The following APCDD1 variants were observed in gnomAD, a reference collection of about 807,000 sequenced individuals.
APCDD1 encodes the protein APC down-regulated 1, also known as protein APCDD1.
Under a neutral mutation model 38.1 loss-of-function variants are expected in APCDD1, and 15 were observed. The observed-to-expected ratio is 0.39, with a 90% CI of 0.26 to 0.61. The LOEUF (loss-of-function observed/expected upper bound fraction) is 0.61. APCDD1 is among the 20% of genes least tolerant of loss of function. The pLI, the probability that APCDD1 is intolerant of heterozygous loss-of-function variation, is 0.49. For missense variants in APCDD1, 647 were observed against 696.2 expected (o/e 0.93, Z 0.79); for synonymous variants, 261 against 279.7 (o/e 0.93, Z 0.67).
In APCDD1 at chr18:10,468,500, A is replaced by T. The variant is rs763261435; in HGVS notation, c.90A>T (p.Pro30=). The change falls in exon 2 of 5, where the codon CCA becomes CCT. Residue 30 remains proline, a synonymous_variant. Transcript: ENST00000355285. ...GLGEGSALLH[P]DSRSHPRSLE... ...GAGAGGGTTCTGCCCTCCTTCATCC[A>T]GACAGCAGGTCTCATCCTAGGTCCT... 10 of 1,614,182 alleles carry T rather than the reference A, an allele frequency of 6.2e-6. No homozygotes were observed. The highest frequency in any genetic ancestry group is 8.5e-6 in the Non-Finnish European group (10 of 1,180,040).
chr18:10,458,259 C>T (rs12606657), intron 1 of APCDD1, among the ~76,000 whole-genome samples: 3 of 152,052 alleles, frequency 2.0e-5, no homozygotes, highest in South Asian at 2.1e-4. Flanking sequence ...TTGTAGAATT[C>T]GTTGACTTTT....
At chr18:10,481,400 C>T (rs1301866302) in intron 3 of APCDD1, among the ~76,000 whole-genome samples, 1 of 152,108 alleles carries the variant, frequency 6.6e-6, no homozygotes, top group Non-Finnish European at 1.5e-5. Flanking sequence ...ATCGATAAAA[C>T]TTGAGGAGCT....
At chr18:10,463,200 C>T (rs1387763162) in intron 1 of APCDD1, among the ~76,000 whole-genome samples, 1 of 152,074 alleles carries the variant, frequency 6.6e-6, no homozygotes, top group Non-Finnish European at 1.5e-5. Context: ...GTTCCATATT[C>T]AAGACAGAGA....
chr18:10,486,748 A>G (rs762283949), intron 4 of APCDD1, among the ~76,000 whole-genome samples: 2 of 152,116 alleles, frequency 1.3e-5, no homozygotes, highest in Non-Finnish European at 2.9e-5. Context: ...TGTCAGCCCT[A>G]TCATACCAAA....
At chr18:10,457,476 G>C in intron 1 of APCDD1, among the ~76,000 whole-genome samples, 1 of 152,180 alleles carries the variant, frequency 6.6e-6, no homozygotes, top group East Asian at 1.9e-4. Context: ...GGCAATTCTT[G>C]AAATCTTCTA....
At position 10,471,849 on chromosome 18, in the gene APCDD1, G is replaced by A. The variant is rs1271368556; in HGVS notation, c.562G>A (p.Asp188Asn). The A allele has an allele frequency of 6.2e-7, 1 of 1,614,204 alleles. No homozygotes were observed. Among genetic ancestry groups the A allele is most frequent in the South Asian group, 1.1e-5 (1 of 91,088 alleles). Residue 188 changes from aspartate (D) to asparagine (N), a missense_variant, in exon 3 of 5, where the codon GAC becomes AAC. By Grantham distance (23) the Asp-to-Asn change is conservative. Coordinates refer to ENST00000355285, the MANE Select transcript of APCDD1 (RefSeq NM_153000.5). The surrounding 1 kb of genome is among the most constrained non-coding windows in gnomAD (Gnocchi z 5.5). The part of the protein sequence containing the change: ...GGPWVQDVAY[D>N]LWREENGCEC... ...TCCCTGGGTGCAGGACGTGGCCTATGACCTCTGGCGAGAGGAGAACGGCTG... is the reference window on the plus strand; with the variant it reads ...TCCCTGGGTGCAGGACGTGGCCTATAACCTCTGGCGAGAGGAGAACGGCTG...
rs781460638 is a variant in APCDD1 at position 10,485,644 on chromosome 18, C to T, written c.957C>T (p.Asn319=). Residue 319 remains asparagine, a synonymous_variant, in exon 4 of 5, where the codon AAC becomes AAT. Transcript: ENST00000355285. The surrounding 1 kb of genome is among the most constrained non-coding windows in gnomAD (Gnocchi z 5.8). ...GCCACTTCATCTTCCATGACAACAA[C>T]AACACCTGGGAGGGCCACTACTACC... ...LTRHFIFHDN[N]NTWEGHYYHY... is the part of the protein sequence containing the mutation. 14 of 1,614,066 alleles carry T rather than the reference C, an allele frequency of 8.7e-6. No individual in the cohort carries two copies. In the Admixed American group the frequency reaches 2.3e-4, roughly 27 times the overall value.
intron 1 of APCDD1, among the ~76,000 whole-genome samples, chr18:10,462,340 C>A (rs967958609): frequency 3.3e-5 from 5 of 152,196 alleles, no homozygotes; most frequent in African/African-American, 1.2e-4. Context: ...ATATATTTTA[C>A]AAAAGTTCCT....
Position 10,467,542 on chromosome 18 carries a change from G to A in APCDD1, c.59-927G>A, listed in dbSNP as rs1247511760. 6.6e-6 allele frequency among the ~76,000 whole-genome samples: 1 copy of A among 152,160 alleles called. No homozygotes were observed. The highest frequency in any genetic ancestry group is 2.4e-5 in the African/African-American group (1 of 41,418). ...TTAATTGCTTTATTCTGAACATTAG[G>A]CTGGTGGTAGTTTTGCATGGGTAGA... On this transcript the variant is annotated intron_variant, in intron 1 of 4. Transcript: ENST00000355285. This position sits in a 1 kb window ranked among gnomAD's most constrained non-coding sequence, Gnocchi z 4.8.
chr18:10,457,623 T>C (rs2030416161), intron 1 of APCDD1, among the ~76,000 whole-genome samples: 1 of 152,218 alleles, frequency 6.6e-6, no homozygotes, highest in African/African-American at 2.4e-5. Flanking sequence ...TGATAAACTT[T>C]AATAAATTTA....
At chr18:10,455,097 C>G (rs1056102668) in intron 1 of APCDD1, 58 bp downstream of exon 1, 6 of 1,542,458 alleles carry the variant, frequency 3.9e-6, no homozygotes, top group Non-Finnish European at 5.2e-6. Context: ...CCGGGCGCCG[C>G]GGAGCCCGCG....
intron 1 of APCDD1, among the ~76,000 whole-genome samples, chr18:10,466,118 G>A (rs1333568168): frequency 6.6e-6 from 1 of 152,170 alleles, no homozygotes; most frequent in East Asian, 1.9e-4. Context: ...TGTAACTTTA[G>A]CTAAAATCTA....
chr18:10,472,169 C>A lies in APCDD1; in HGVS notation c.774+108C>A. 2 of 1,497,514 alleles carry A rather than the reference C, an allele frequency of 1.3e-6. No homozygotes were observed. The highest frequency in any genetic ancestry group is 2.3e-5 in the East Asian group (1 of 44,040). 92.8% of individuals were successfully genotyped at this position (1,497,514 alleles called of 1,614,324 possible). A position where few individuals can be genotyped will look rare whatever the true frequency, so the allele number is the denominator to read the frequency against. On this transcript the variant is annotated intron_variant, in intron 3 of 4. Transcript: ENST00000355285. The surrounding 1 kb of genome is among the most constrained non-coding windows in gnomAD (Gnocchi z 6.6). ...ACCCTTGAAAGGGGGAATTCTGCAT[C>A]ATGGCGGGGCAGGCCAAGGTGGGGC...
In APCDD1 at chr18:10,454,923, A is replaced by G. The variant is rs754793645; in HGVS notation, c.-59A>G. ...GAGGCGGAGGGCAGAGCGCGCGCCC[A>G]GTTGCCCGGGCACCAAATCGGAGCG... On this transcript the variant is annotated 5_prime_UTR_variant, in exon 1 of 5. Transcript: ENST00000355285. 4.2e-5 allele frequency: 62 copies of G among 1,466,246 alleles called. No homozygotes were observed. Among genetic ancestry groups the G allele is most frequent in the African/African-American group, 1.6e-4 (11 of 67,682 alleles). 90.8% of individuals were successfully genotyped at this position (1,466,246 alleles called of 1,614,324 possible).
Position 10,485,721 on chromosome 18 carries a change from G to A in APCDD1, c.1034G>A (p.Gly345Asp). ...CCCACCTTCTCCATCTACGCCCGGG[G>A]CCGCTACAGCCGCGGCGTCCTCTCG... Reference protein sequence around the residue: ...KHPTFSIYARGRYSRGVLSSR... With the variant: ...KHPTFSIYARDRYSRGVLSSR... The change falls in exon 4 of 5, where the codon GGC becomes GAC. Residue 345 changes from glycine to aspartate, a missense_variant. Physicochemically the swap from Gly to Asp is moderately conservative, Grantham distance 94 (BLOSUM62 -1). Transcript: ENST00000355285. The surrounding 1 kb of genome is among the most constrained non-coding windows in gnomAD (Gnocchi z 5.8). The A allele has an allele frequency of 1.2e-6, 2 of 1,614,088 alleles. No individual in the cohort carries two copies. The highest frequency in any genetic ancestry group is 8.5e-7 in the Non-Finnish European group (1 of 1,180,036).
chr18:10,471,833 G>A lies in APCDD1; in HGVS notation c.546G>A (p.Val182=). Residue 182 remains valine, a synonymous_variant, in exon 3 of 5, where the codon GTG becomes GTA. Transcript: ENST00000355285. The surrounding 1 kb of genome is among the most constrained non-coding windows in gnomAD (Gnocchi z 5.5). ...PGFLADGGPW[V]QDVAYDLWRE... ...TCCTCGCAGACGGGGGTCCCTGGGT[G>A]CAGGACGTGGCCTATGACCTCTGGC... is the stretch of plus-strand genomic sequence containing the variant. 1 of 1,614,180 alleles carries A rather than the reference G, an allele frequency of 6.2e-7. No individual in the cohort carries two copies. Among genetic ancestry groups the A allele is most frequent in the South Asian group, 1.1e-5 (1 of 91,084 alleles).
intron 1 of APCDD1, 79 bp downstream of exon 1, chr18:10,455,118 G>T (rs2030341983): frequency 3.3e-6 from 5 of 1,537,258 alleles, no homozygotes; most frequent in Non-Finnish European, 2.6e-6. Context: ...GAGGCGTCGG[G>T]TCTGGATCGC....
rs554983612 is a variant in APCDD1 at position 10,470,982 on chromosome 18, A to G, written c.243-548A>G. Among the ~76,000 whole-genome samples the G allele has an allele frequency of 2.7e-4, 41 of 152,388 alleles. No homozygotes were observed. Among genetic ancestry groups the G allele is most frequent in the African/African-American group, 9.9e-4 (41 of 41,598 alleles). ...AATTCTGAATGGACAAGAAGATGCT[A>G]GATGACTAGATTCTGTCTCAGGATG... On this transcript the variant is annotated intron_variant, in intron 2 of 4. Coordinates refer to ENST00000355285, the MANE Select transcript of APCDD1 (RefSeq NM_153000.5). The surrounding 1 kb of genome is among the most constrained non-coding windows in gnomAD (Gnocchi z 4.1).
chr18:10,465,450 C>T (rs1040231157), intron 1 of APCDD1, among the ~76,000 whole-genome samples: 2 of 152,180 alleles, frequency 1.3e-5, no homozygotes, highest in South Asian at 2.1e-4. Flanking sequence ...AGAAAAACCA[C>T]AGTGAAAATC....
Sources: gnomAD v4.1 joint callset for allele counts (sites outside exome capture counted in the v4.1 genomes callset) on GRCh38, gnomAD v4.1.1 for gene constraint, Gnocchi (gnomAD v3.1) non-coding constraint, MANE v1.5 for transcripts, NCBI Gene and HGNC (gene_info 2026-07-23, HGNC 2026-07-21) for gene names.